The following C12orf60 variants were observed in gnomAD, a reference collection of about 807,000 sequenced individuals.
C12orf60 encodes chromosome 12 open reading frame 60, also known as uncharacterized protein C12orf60.
For missense variants in C12orf60, 284 were observed against 283.2 expected, an observed-to-expected ratio of 1.00 and a Z score of -0.02; for synonymous variants, 102 against 94.6, an observed-to-expected ratio of 1.08 and a Z score of -0.45.
chr12:14,814,520 A>G (rs1950188305), intron 1 of C12orf60, among the ~76,000 whole-genome samples: 1 of 152,180 alleles, frequency 6.6e-6, no homozygotes, highest in African/African-American at 2.4e-5. Flanking sequence ...TATCTTGTCA[A>G]CTATTCCAGA....
rs766494478 is a variant in C12orf60, at chr12:14,806,619, A to G, written c.-25+2868A>G. 132 of 1,613,648 alleles carry G rather than the reference A, an allele frequency of 8.2e-5. 1 individual carries two copies. The highest frequency in any genetic ancestry group is 1.1e-4 in the Non-Finnish European group (131 of 1,179,926). On this transcript the variant is annotated intron_variant, in intron 1 of 1. Transcript: ENST00000330828. ...TAAGCAATCAAGAAGCTGCTGGTGA[A>G]GACGATTTACTTCTTCCCGCCTTTT...
chr12:14,805,243 G>A (rs963900364), intron 1 of C12orf60: 1 of 152,202 alleles, frequency 6.6e-6, no homozygotes, highest in Non-Finnish European at 1.5e-5. Context: ...AATGCAATAT[G>A]TGTAGCTGTG....
At chr12:14,805,986 GCAAATAAAACGGCTGTTCATTT>G (rs1950041724) in intron 1 of C12orf60, 1 of 1,579,158 alleles carries the variant, frequency 6.3e-7, no homozygotes, top group Admixed American at 1.8e-5. Context: ...CACTTCAGTG[GCAAATAAAACGGCTGTTCATTT>G]CATTTGGTGT....
At chr12:14,805,126 A>G (rs547048566) in intron 1 of C12orf60, 2 of 152,238 alleles carry the variant, frequency 1.3e-5, no homozygotes, top group African/African-American at 4.8e-5. Flanking sequence ...CCTTTTTGCT[A>G]GTGTTGAAAA....
In C12orf60 at chr12:14,823,844, GAA is replaced by G. The variant is rs1592245360; in HGVS notation, c.*173_*174del. 1 of 502,770 alleles carries G rather than the reference GAA, an allele frequency of 2.0e-6. No individual in the cohort carries two copies. Among genetic ancestry groups the G allele is most frequent in the East Asian group, 3.5e-5 (1 of 28,842 alleles). The allele number at this position is 502,770 out of a possible 1,614,324, so 31.1% of individuals were successfully genotyped here. On this transcript the variant is annotated 3_prime_UTR_variant, in exon 2 of 2. Coordinates refer to ENST00000330828, the MANE Select transcript of C12orf60 (RefSeq NM_175874.4). The stretch of plus-strand genomic sequence containing the variant: ...TAGTTTTGCTTTATTAAAATAAAAA[GAA>G]ATAATTAAGAAAGCCTGTTTGAAAT...
intron 1 of C12orf60, among the ~76,000 whole-genome samples, chr12:14,809,329 A>C (rs996808366): frequency 1.3e-5 from 2 of 152,200 alleles, no homozygotes; most frequent in African/African-American, 4.8e-5. Flanking sequence ...TTAATCGTAA[A>C]ATGTATCTGA....
chr12:14,809,557 C>T (rs1434525282), intron 1 of C12orf60, among the ~76,000 whole-genome samples: 1 of 152,104 alleles, frequency 6.6e-6, no homozygotes, highest in Middle Eastern at 3.2e-3. Flanking sequence ...GAAATTATTA[C>T]TCCATAAATG....
chr12:14,812,828 G>C (rs1289821260), intron 1 of C12orf60, among the ~76,000 whole-genome samples: 2 of 151,986 alleles, frequency 1.3e-5, no homozygotes, highest in Admixed American at 6.6e-5. Context: ...GTGTTGCTGA[G>C]GTTTACTGTG....
At chr12:14,820,317 T>C (rs1950286125) in intron 1 of C12orf60, among the ~76,000 whole-genome samples, 1 of 152,016 alleles carries the variant, frequency 6.6e-6, no homozygotes. Context: ...TTTTGTTGGA[T>C]TTTATCTATT....
intron 1 of C12orf60, among the ~76,000 whole-genome samples, chr12:14,820,358 T>C (rs914000735): frequency 6.6e-5 from 10 of 152,030 alleles, no homozygotes; most frequent in African/African-American, 2.4e-4. Flanking sequence ...TGATTTCTAC[T>C]CTTTATTATT....
chr12:14,814,918 A>G (rs184709230), intron 1 of C12orf60, among the ~76,000 whole-genome samples: 5 of 152,326 alleles, frequency 3.3e-5, no homozygotes, highest in Admixed American at 3.3e-4. Context: ...TACTCCAAGT[A>G]CCACTTACTA....
At chr12:14,805,024 T>G (rs1950026827) in intron 1 of C12orf60, 1 of 152,244 alleles carries the variant, frequency 6.6e-6, no homozygotes. Flanking sequence ...AGCGGAACCA[T>G]TAATAGGCTT....
At chr12:14,811,018 T>C (rs1950127673) in intron 1 of C12orf60, among the ~76,000 whole-genome samples, 1 of 152,218 alleles carries the variant, frequency 6.6e-6, no homozygotes, top group South Asian at 2.1e-4. Flanking sequence ...TCCATTTTCA[T>C]TGATGACCTG....
chr12:14,808,306 G>C (rs900505736), intron 1 of C12orf60, among the ~76,000 whole-genome samples: 3 of 152,034 alleles, frequency 2.0e-5, no homozygotes, highest in Admixed American at 2.0e-4. Context: ...CTAAATTTGA[G>C]CCAGTAAGAG....
intron 1 of C12orf60, chr12:14,805,774 G>A (rs927809790): frequency 5.8e-6 from 3 of 516,708 alleles, no homozygotes; most frequent in African/African-American, 5.8e-5. Flanking sequence ...AAAACATCCA[G>A]GGAGAAAATT....
intron 1 of C12orf60, among the ~76,000 whole-genome samples, chr12:14,816,436 T>C (rs750389246): frequency 1.3e-5 from 2 of 152,282 alleles, no homozygotes; most frequent in Non-Finnish European, 2.9e-5. Context: ...CCAGCACTTA[T>C]GAATGCTGCA....
intron 1 of C12orf60, among the ~76,000 whole-genome samples, chr12:14,810,165 G>A (rs981966587): frequency 1.3e-5 from 2 of 152,002 alleles, no homozygotes; most frequent in Non-Finnish European, 2.9e-5. Context: ...TTTTTTCCTT[G>A]GGTGGGGAGT....
At position 14,823,812 on chromosome 12, in the gene C12orf60, T is replaced by C; in HGVS notation, c.*139T>C. On this transcript the variant is annotated 3_prime_UTR_variant, in exon 2 of 2. Coordinates refer to ENST00000330828, the MANE Select transcript of C12orf60 (RefSeq NM_175874.4). ...ACACAAAAGTCATCTGGCAAAACAT[T>C]TACCTGTAGTTTTGCTTTATTAAAA... 1.6e-6 allele frequency: 1 copy of C among 635,072 alleles called. No individual in the cohort carries two copies. The highest frequency in any genetic ancestry group is 2.4e-6 in the Non-Finnish European group (1 of 414,848). 39.3% of individuals were successfully genotyped at this position (635,072 alleles called of 1,614,324 possible). A position where few individuals can be genotyped will look rare whatever the true frequency, so the allele number is the denominator to read the frequency against.
At chr12:14,820,945 ATTGTT>A (rs1278018234) in intron 1 of C12orf60, among the ~76,000 whole-genome samples, 9 of 152,194 alleles carry the variant, frequency 5.9e-5, no homozygotes, top group Admixed American at 2.0e-4. Context: ...TGTAAAGGTC[ATTGTT>A]TTAATTTTAA....
Sources: gnomAD v4.1 joint callset for allele counts (sites outside exome capture counted in the v4.1 genomes callset) on GRCh38, gnomAD v4.1.1 for gene constraint, MANE v1.5 for transcripts, NCBI Gene and HGNC (gene_info 2026-07-23, HGNC 2026-07-21) for gene names.